Variants in DLG2 observed in about 807,000 individuals in gnomAD.
The protein encoded by DLG2 is discs large MAGUK scaffold protein 2.
DLG2 carries 45 observed loss-of-function variants against 132.5 expected under a neutral mutation model. That is an observed-to-expected ratio of 0.34 (90% CI 0.27 to 0.44). The LOEUF (loss-of-function observed/expected upper bound fraction) is 0.44, where lower values mean the gene tolerates loss of function less well. Ranked by LOEUF, DLG2 falls within the 20% of genes least tolerant of loss-of-function variation. DLG2 has a pLI of 1.00. For missense variants in DLG2, 1,045 were observed against 1,196.9 expected (o/e 0.87, Z 1.87); for synonymous variants, 424 against 419.6 (o/e 1.01, Z -0.13).
intron 7 of DLG2, among the ~76,000 whole-genome samples, chr11:84,504,752 A>T (rs2099233570): frequency 6.6e-6 from 1 of 152,162 alleles, no homozygotes; most frequent in African/African-American, 2.4e-5. Flanking sequence ...TTATATATAG[A>T]CAATGGAAGC....
chr11:84,767,628 T>G (rs934509899), intron 6 of DLG2, among the ~76,000 whole-genome samples: 12 of 152,072 alleles, frequency 7.9e-5, no homozygotes, highest in African/African-American at 2.4e-4. Context: ...GTCAAGATTT[T>G]TTTTTTTATT....
At chr11:85,369,661 T>C (rs982887480) in intron 3 of DLG2, among the ~76,000 whole-genome samples, 1 of 152,162 alleles carries the variant, frequency 6.6e-6, no homozygotes, top group Admixed American at 6.5e-5. Flanking sequence ...CCTGGGGGCA[T>C]AGCTGGTAAG....
chr11:83,486,429 C>T (rs1480666879), intron 21 of DLG2, among the ~76,000 whole-genome samples: 1 of 151,516 alleles, frequency 6.6e-6, no homozygotes, highest in Non-Finnish European at 1.5e-5. Context: ...AAAATGTAGA[C>T]AGAGAGGGAC....
chr11:84,682,695 A>G (rs78096532), intron 6 of DLG2, among the ~76,000 whole-genome samples: 2,430 of 152,310 alleles, frequency 0.016, 69 homozygotes, highest in African/African-American at 0.055. Context: ...ATGAGGCCCC[A>G]AAGACTCAGC....
intron 3 of DLG2, among the ~76,000 whole-genome samples, chr11:85,534,115 G>A (rs2075406242): frequency 6.6e-6 from 1 of 151,966 alleles, no homozygotes; most frequent in South Asian, 2.1e-4. Flanking sequence ...AGTCTCCCGA[G>A]TAGCTGGGAC....
At chr11:84,676,175 T>C (rs1433175539) in intron 6 of DLG2, among the ~76,000 whole-genome samples, 2 of 152,008 alleles carry the variant, frequency 1.3e-5, no homozygotes, top group Non-Finnish European at 2.9e-5. Context: ...AAATAATATA[T>C]ATATGAGCTT....
At chr11:84,081,101 T>C (rs2154155128) in intron 10 of DLG2, among the ~76,000 whole-genome samples, 1 of 152,086 alleles carries the variant, frequency 6.6e-6, no homozygotes, top group Admixed American at 6.5e-5. Flanking sequence ...TAACAAACGA[T>C]AGGAGAAGAC....
chr11:84,801,915 T>TA (rs1302675399), intron 6 of DLG2, among the ~76,000 whole-genome samples: 1 of 152,224 alleles, frequency 6.6e-6, no homozygotes, highest in East Asian at 1.9e-4. Context: ...CGTTCTTTGT[T>TA]ACATCTGTTT....
intron 6 of DLG2, among the ~76,000 whole-genome samples, chr11:84,946,074 G>A (rs990259534): frequency 6.6e-6 from 1 of 152,106 alleles, no homozygotes; most frequent in Admixed American, 6.5e-5. Flanking sequence ...AGCTTGTGGT[G>A]AATGCTGACA....
chr11:85,028,586 G>C (rs1162976125), intron 6 of DLG2, among the ~76,000 whole-genome samples: 1 of 152,190 alleles, frequency 6.6e-6, no homozygotes, highest in African/African-American at 2.4e-5. Flanking sequence ...AGGGGGCAGA[G>C]GGCTGGCCTG....
intron 7 of DLG2, among the ~76,000 whole-genome samples, chr11:84,359,071 T>C (rs776205889): frequency 2.6e-5 from 4 of 151,876 alleles, no homozygotes; most frequent in Non-Finnish European, 4.4e-5. Flanking sequence ...TAAACCCAGG[T>C]GTATCTGACC....
At chr11:84,880,022 A>C (rs1391313108) in intron 6 of DLG2, among the ~76,000 whole-genome samples, 1 of 152,156 alleles carries the variant, frequency 6.6e-6, no homozygotes, top group Non-Finnish European at 1.5e-5. Flanking sequence ...TAAGAATAGT[A>C]CTATAAAGTG....
intron 6 of DLG2, among the ~76,000 whole-genome samples, chr11:84,604,638 G>C (rs2099582296): frequency 6.6e-6 from 1 of 151,864 alleles, no homozygotes; most frequent in Non-Finnish European, 1.5e-5. Context: ...AAACCAGAAA[G>C]TAAAATGTAT....
chr11:85,394,124 C>CT (rs1171961316), intron 3 of DLG2, among the ~76,000 whole-genome samples: 17 of 152,224 alleles, frequency 1.1e-4, no homozygotes, highest in Admixed American at 9.8e-4. Context: ...GTTGTCTGCC[C>CT]TTAACTTCTG....
At chr11:83,763,699 A>G (rs1459494635) in intron 18 of DLG2, among the ~76,000 whole-genome samples, 1 of 152,210 alleles carries the variant, frequency 6.6e-6, no homozygotes, top group Non-Finnish European at 1.5e-5. Flanking sequence ...TAAAATAGGC[A>G]GGTTTTTAAA....
At chr11:85,067,735 A>C (rs2065143314) in intron 6 of DLG2, among the ~76,000 whole-genome samples, 1 of 151,734 alleles carries the variant, frequency 6.6e-6, no homozygotes, top group East Asian at 1.9e-4. Flanking sequence ...AAGGAGGAGG[A>C]GGAGTTTTCC....
intron 7 of DLG2, among the ~76,000 whole-genome samples, chr11:84,325,174 A>G (rs947390783): frequency 1.3e-5 from 2 of 151,972 alleles, no homozygotes; most frequent in Admixed American, 1.3e-4. Context: ...TTATATTGTA[A>G]GGTAATTTTC....
chr11:84,658,433 T>C (rs960814053), intron 6 of DLG2, among the ~76,000 whole-genome samples: 2 of 152,148 alleles, frequency 1.3e-5, no homozygotes, highest in Admixed American at 6.6e-5. Context: ...GCTGGAATTC[T>C]CGTGAATGGG....
At chr11:85,056,421 G>C (rs1440786344) in intron 6 of DLG2, among the ~76,000 whole-genome samples, 8 of 152,164 alleles carry the variant, frequency 5.3e-5, no homozygotes, top group African/African-American at 1.9e-4. Context: ...CAGCAGAAGA[G>C]AGTGGCAGTA....
Sources: gnomAD v4.1 joint callset for allele counts (sites outside exome capture counted in the v4.1 genomes callset) on GRCh38, gnomAD v4.1.1 for gene constraint, MANE v1.5 for transcripts, NCBI Gene and HGNC (gene_info 2026-07-23, HGNC 2026-07-21) for gene names.